Variants in ADAMTS17 observed in about 807,000 individuals in gnomAD.
ADAMTS17 encodes the protein A disintegrin and metalloproteinase with thrombospondin motifs 17.
In ADAMTS17, 113 loss-of-function variants were observed where a neutral mutation model predicts 141.5. The ratio of observed to expected loss-of-function variants is 0.80; its 90% CI spans 0.69 to 0.93. The LOEUF is 0.93. Ranked by LOEUF, ADAMTS17 falls within the 40% of genes least tolerant of loss-of-function variation. The pLI is 0.00. For missense variants in ADAMTS17, 1,659 were observed against 1,517.9 expected, an observed-to-expected ratio of 1.09 and a Z score of -1.54; for synonymous variants, 768 against 630.6, an observed-to-expected ratio of 1.22 and a Z score of -3.27.
At chr15:100,092,937 G>A (rs2035556746) in intron 15 of ADAMTS17, among the ~76,000 whole-genome samples, 1 of 152,128 alleles carries the variant, frequency 6.6e-6, no homozygotes, top group Admixed American at 6.5e-5. Context: ...AGATAATATT[G>A]TTAAAATGGC....
intron 7 of ADAMTS17, among the ~76,000 whole-genome samples, chr15:100,201,876 G>T (rs2041347328): frequency 6.6e-6 from 1 of 152,212 alleles, no homozygotes; most frequent in Admixed American, 6.5e-5. Flanking sequence ...GTCTACCAGT[G>T]AGTAGATGGA....
At chr15:100,332,438 G>A (rs1198048622) in intron 2 of ADAMTS17, among the ~76,000 whole-genome samples, 1 of 152,232 alleles carries the variant, frequency 6.6e-6, no homozygotes, top group Non-Finnish European at 1.5e-5. Context: ...CCGCGTGGGA[G>A]GACCCCCCAC....
intron 8 of ADAMTS17, among the ~76,000 whole-genome samples, chr15:100,189,032 A>G (rs1050621992): frequency 6.6e-6 from 1 of 152,246 alleles, no homozygotes; most frequent in Non-Finnish European, 1.5e-5. Context: ...GTCCTTAGCT[A>G]TAGTTGTCTC....
chr15:100,063,652 T>C lies in ADAMTS17; in HGVS notation c.2138-9598A>G, dbSNP rs753749511. 15 of 1,289,244 alleles carry C rather than the reference T, an allele frequency of 1.2e-5. 1 individual carries two copies. The South Asian group carries it at 1.2e-4, about 11-fold the overall frequency. 79.9% of individuals were successfully genotyped at this position (1,289,244 alleles called of 1,614,324 possible). On this transcript the variant is annotated intron_variant, in intron 15 of 21. Coordinates refer to ENST00000268070, the MANE Select transcript of ADAMTS17 (RefSeq NM_139057.4). Reference sequence around the variant, plus strand: ...TCAAAATCGATTCTCAACACATAAATGGTGAGTCAAGTCATTTGTGTTTTA... The same window carrying C: ...TCAAAATCGATTCTCAACACATAAACGGTGAGTCAAGTCATTTGTGTTTTA...
intron 3 of ADAMTS17, among the ~76,000 whole-genome samples, chr15:100,284,604 C>G (rs1336357028): frequency 1.3e-5 from 2 of 152,124 alleles, no homozygotes; most frequent in Non-Finnish European, 2.9e-5. Flanking sequence ...GGGTGGGAGG[C>G]TAGAGGGCAC....
chr15:100,043,708 C>A (rs189342211), intron 18 of ADAMTS17, among the ~76,000 whole-genome samples: 34 of 152,332 alleles, frequency 2.2e-4, no homozygotes, highest in African/African-American at 8.2e-4. Flanking sequence ...ATGTGGCCTG[C>A]GAAGGCAAAA....
intron 15 of ADAMTS17, chr15:100,063,831 C>T (rs1329992191): frequency 9.1e-7 from 1 of 1,103,950 alleles, no homozygotes. Flanking sequence ...CATCCCCCGG[C>T]CAAAATCTAG....
At chr15:100,147,667 T>G (rs1263188387) in intron 10 of ADAMTS17, among the ~76,000 whole-genome samples, 19 of 152,244 alleles carry the variant, frequency 1.2e-4, no homozygotes, top group Admixed American at 1.2e-3. Flanking sequence ...GACTGAAACC[T>G]CATGATGAGG....
At chr15:100,250,221 C>T (rs2043111209) in intron 7 of ADAMTS17, among the ~76,000 whole-genome samples, 1 of 152,290 alleles carries the variant, frequency 6.6e-6, no homozygotes, top group South Asian at 2.1e-4. Context: ...ATGTGAGCTG[C>T]ACCCTAATTA....
chr15:100,098,795 C>T (rs752852490), intron 14 of ADAMTS17, among the ~76,000 whole-genome samples: 26 of 152,218 alleles, frequency 1.7e-4, no homozygotes, highest in South Asian at 4.1e-4. Context: ...CACTTCAGAG[C>T]TCCAGTGCAT....
At chr15:100,296,105 G>A (rs1358454000) in intron 3 of ADAMTS17, among the ~76,000 whole-genome samples, 3 of 151,986 alleles carry the variant, frequency 2.0e-5, no homozygotes, top group Admixed American at 6.6e-5. Flanking sequence ...TAACAGATTC[G>A]GGGTCAATGT....
intron 19 of ADAMTS17, among the ~76,000 whole-genome samples, chr15:99,994,962 A>G (rs2060770437): frequency 6.6e-6 from 1 of 152,234 alleles, no homozygotes; most frequent in East Asian, 1.9e-4. Context: ...CATGCTTCAG[A>G]ACTGGCTGCA....
chr15:100,175,527 C>T (rs1035358629), intron 8 of ADAMTS17, among the ~76,000 whole-genome samples: 2 of 152,224 alleles, frequency 1.3e-5, no homozygotes, highest in African/African-American at 4.8e-5. Flanking sequence ...ACTCTTAATG[C>T]ATAAAGGGAG....
intron 18 of ADAMTS17, among the ~76,000 whole-genome samples, chr15:100,007,082 G>A (rs1403713530): frequency 6.6e-6 from 1 of 152,234 alleles, no homozygotes; most frequent in Non-Finnish European, 1.5e-5. Context: ...GTGGTCCTCA[G>A]GGGTGGGAGA....
At chr15:99,988,306 C>A (rs2060630007) in intron 20 of ADAMTS17, among the ~76,000 whole-genome samples, 1 of 152,058 alleles carries the variant, frequency 6.6e-6, no homozygotes, top group South Asian at 2.1e-4. Flanking sequence ...TGTTAGTTCA[C>A]CAAGAGCTGG....
chr15:100,282,888 C>T (rs1018671205), intron 3 of ADAMTS17, among the ~76,000 whole-genome samples: 1 of 152,162 alleles, frequency 6.6e-6, no homozygotes, highest in Non-Finnish European at 1.5e-5. Flanking sequence ...ATAGTTAGAT[C>T]ATGATTTTGC....
intron 2 of ADAMTS17, among the ~76,000 whole-genome samples, chr15:100,332,303 G>A (rs751103): frequency 0.55 from 83,772 of 152,136 alleles, 24,890 homozygotes; most frequent in Non-Finnish European, 0.68. Context: ...GAAGACGGTG[G>A]CCACAGTGGG....
intron 7 of ADAMTS17, among the ~76,000 whole-genome samples, chr15:100,240,139 C>T (rs2042786473): frequency 6.6e-6 from 1 of 152,176 alleles, no homozygotes; most frequent in Non-Finnish European, 1.5e-5. Flanking sequence ...CAGGAGGGGC[C>T]CTGGGCCCCA....
rs113327975 is a variant in ADAMTS17, at chr15:100,268,345, T to C, written c.790-5910A>G. 3.9e-5 allele frequency among the ~76,000 whole-genome samples: 6 copies of C among 152,328 alleles called. No individual in the cohort carries two copies. The East Asian group carries it at 9.6e-4, about 24-fold the overall frequency. ...ATGGGATTGCTGGGTCAAAGGGTAG[T>C]TCTGTCTTGAGTTCTCTGAGAAATC... is the stretch of plus-strand genomic sequence containing the variant. On this transcript the variant is annotated intron_variant, in intron 4 of 21. Transcript: ENST00000268070.
Sources: gnomAD v4.1 joint callset for allele counts (sites outside exome capture counted in the v4.1 genomes callset) on GRCh38, gnomAD v4.1.1 for gene constraint, MANE v1.5 for transcripts, NCBI Gene and HGNC (gene_info 2026-07-23, HGNC 2026-07-21) for gene names.